Variants in MAGI1 observed in about 807,000 individuals in gnomAD.
The protein encoded by MAGI1 is membrane associated guanylate kinase, WW and PDZ domain containing 1.
Under a neutral mutation model 139.9 loss-of-function variants are expected in MAGI1, and 58 were observed. That is an observed-to-expected ratio of 0.41 (90% CI 0.34 to 0.52). The LOEUF (loss-of-function observed/expected upper bound fraction) is 0.52, where lower values mean the gene tolerates loss of function less well. Among genes scored for constraint, MAGI1 ranks in the 20% least tolerant of loss-of-function variants. The probability of loss-of-function intolerance (pLI) is 0.12; values close to 1 mark genes in which losing one functional copy is unlikely to be tolerated. For missense variants in MAGI1, 1,874 were observed against 1,901.6 expected (o/e 0.99, Z 0.27); for synonymous variants, 812 against 737.9 (o/e 1.10, Z -1.63).
At chr3:65,999,974 T>TTTTC in intron 1 of MAGI1, among the ~76,000 whole-genome samples, 1 of 144,144 alleles carries the variant, frequency 6.9e-6, no homozygotes, top group African/African-American at 2.6e-5. Flanking sequence ...CCCCCACGCT[T>TTTTC]TTTTTTTTTT....
chr3:65,857,027 G>T (rs1001152642), intron 1 of MAGI1, among the ~76,000 whole-genome samples: 1 of 152,240 alleles, frequency 6.6e-6, no homozygotes, highest in African/African-American at 2.4e-5. Flanking sequence ...CTTGACAGGA[G>T]TTGGCCAGCT....
chr3:65,591,887 A>G (rs2081979997), intron 2 of MAGI1, among the ~76,000 whole-genome samples: 1 of 152,060 alleles, frequency 6.6e-6, no homozygotes, highest in Non-Finnish European at 1.5e-5. Flanking sequence ...AGTGAGGTCG[A>G]CCCTTGACAC....
chr3:65,823,559 C>T (rs1257891911), intron 1 of MAGI1, among the ~76,000 whole-genome samples: 6 of 152,206 alleles, frequency 3.9e-5, no homozygotes, highest in Non-Finnish European at 8.8e-5. Flanking sequence ...TCCTGACACA[C>T]ACATTGCATA....
At chr3:65,572,019 G>C (rs971671602) in intron 2 of MAGI1, among the ~76,000 whole-genome samples, 3 of 152,020 alleles carry the variant, frequency 2.0e-5, no homozygotes, top group Non-Finnish European at 4.4e-5. Flanking sequence ...TTAGAAAAAA[G>C]TATACAGGAG....
intron 3 of MAGI1, among the ~76,000 whole-genome samples, chr3:65,492,892 C>T (rs1052592479): frequency 1.3e-5 from 2 of 151,982 alleles, no homozygotes; most frequent in African/African-American, 2.4e-5. Flanking sequence ...TCCTGGCTAA[C>T]ACGGTGAAAC....
chr3:65,877,384 A>C (rs1484079346), intron 1 of MAGI1, among the ~76,000 whole-genome samples: 1 of 152,184 alleles, frequency 6.6e-6, no homozygotes, highest in Non-Finnish European at 1.5e-5. Context: ...CTTAGGGCAC[A>C]AACATAAATG....
intron 2 of MAGI1, among the ~76,000 whole-genome samples, chr3:65,509,952 G>T (rs1576102999): frequency 1.3e-5 from 2 of 152,306 alleles, no homozygotes; most frequent in Admixed American, 1.3e-4. Flanking sequence ...CGCAGAAGGA[G>T]ATCTGAGAAC....
chr3:65,833,664 A>C (rs148156172), intron 1 of MAGI1, among the ~76,000 whole-genome samples: 79 of 152,340 alleles, frequency 5.2e-4, no homozygotes, highest in African/African-American at 1.8e-3. Context: ...TCCAGGCTTT[A>C]TGAGATTTTT....
chr3:65,921,976 A>G (rs1362232930), intron 1 of MAGI1, among the ~76,000 whole-genome samples: 1 of 151,868 alleles, frequency 6.6e-6, no homozygotes. Flanking sequence ...GAAAGAATAT[A>G]CAAAATGCAT....
At chr3:65,532,449 A>C (rs1347621342) in intron 2 of MAGI1, among the ~76,000 whole-genome samples, 1 of 152,190 alleles carries the variant, frequency 6.6e-6, no homozygotes, top group Non-Finnish European at 1.5e-5. Flanking sequence ...TACAGACTAC[A>C]TATGTGGCCT....
At chr3:65,672,553 T>C (rs1483861451) in intron 1 of MAGI1, among the ~76,000 whole-genome samples, 1 of 152,162 alleles carries the variant, frequency 6.6e-6, no homozygotes, top group East Asian at 1.9e-4. Flanking sequence ...AAAGTAAAAA[T>C]AGGAACAATC....
chr3:65,683,657 G>GATATATATATATAT (rs377247002), intron 1 of MAGI1, among the ~76,000 whole-genome samples: 14 of 86,378 alleles, frequency 1.6e-4, no homozygotes, highest in African/African-American at 3.4e-4. Flanking sequence ...GACTGAATAG[G>GATATATATATATAT]ATATATATAT....
chr3:65,459,152 T>C (rs994989709), intron 5 of MAGI1, among the ~76,000 whole-genome samples: 3 of 152,188 alleles, frequency 2.0e-5, no homozygotes, highest in Non-Finnish European at 2.9e-5. Context: ...TCTGTTCCAT[T>C]GGTCTATGTG....
chr3:65,476,421 T>C (rs1353020638), intron 4 of MAGI1, among the ~76,000 whole-genome samples: 2 of 152,228 alleles, frequency 1.3e-5, no homozygotes, highest in Non-Finnish European at 2.9e-5. Context: ...GCCATGATGA[T>C]CTGGGCCCAC....
intron 1 of MAGI1, among the ~76,000 whole-genome samples, chr3:65,891,214 AC>A (rs11328137): frequency 0.1 from 14,730 of 143,286 alleles, 2,125 homozygotes; most frequent in African/African-American, 0.35. Flanking sequence ...AAAAACACAC[AC>A]AAAAAAAAAA....
At chr3:65,395,634 C>G (rs1282178357) in intron 13 of MAGI1, among the ~76,000 whole-genome samples, 1 of 3,904 alleles carries the variant, frequency 2.6e-4, no homozygotes. Flanking sequence ...GAGACTCCAT[C>G]TCAAAAAAAA....
intron 5 of MAGI1, among the ~76,000 whole-genome samples, chr3:65,469,311 T>G (rs573702999): frequency 6.6e-6 from 1 of 152,264 alleles, no homozygotes; most frequent in Admixed American, 6.5e-5. Context: ...GAATCTGTGG[T>G]ATTTTTTTTA....
chr3:65,758,026 T>C (rs1325359757), intron 1 of MAGI1, among the ~76,000 whole-genome samples: 2 of 152,202 alleles, frequency 1.3e-5, no homozygotes, highest in Non-Finnish European at 2.9e-5. Flanking sequence ...TGTCACAGCA[T>C]CTTACACACA....
intron 1 of MAGI1, among the ~76,000 whole-genome samples, chr3:65,851,972 T>C (rs1027115720): frequency 2.6e-5 from 4 of 152,078 alleles, no homozygotes; most frequent in Admixed American, 2.6e-4. Context: ...TTGAGAGGAA[T>C]GTGGATAAAG....
Sources: allele counts gnomAD v4.1 joint callset (sites outside exome capture counted in the v4.1 genomes callset), GRCh38; gene constraint gnomAD v4.1.1; transcripts MANE v1.5; gene names NCBI Gene and HGNC (gene_info 2026-07-23, HGNC 2026-07-21).